The following NRXN3 variants were observed in gnomAD, a reference collection of about 807,000 sequenced individuals.
NRXN3 encodes neurexin 3.
A neutral mutation model predicts 137.6 loss-of-function variants in NRXN3; 32 were observed. The ratio of observed to expected loss-of-function variants is 0.23; its 90% CI spans 0.18 to 0.31. The LOEUF (loss-of-function observed/expected upper bound fraction) is 0.31. Among genes scored for constraint, NRXN3 ranks in the 10% least tolerant of loss-of-function variants. NRXN3 has a pLI of 1.00. For missense variants in NRXN3, 1,574 were observed against 2,062.5 expected (o/e 0.76, Z 4.59); for synonymous variants, 798 against 784.5 (o/e 1.02, Z -0.29).
chr14:79,138,024 A>G (rs1386636443), intron 15 of NRXN3, among the ~76,000 whole-genome samples: 1 of 152,238 alleles, frequency 6.6e-6, no homozygotes, highest in Non-Finnish European at 1.5e-5. Context: ...AGCATTTCTC[A>G]GAAAGAAAAT....
chr14:79,795,800 A>T (rs984769680), intron 19 of NRXN3, among the ~76,000 whole-genome samples: 6 of 151,952 alleles, frequency 3.9e-5, no homozygotes, highest in African/African-American at 1.4e-4. Context: ...ATTGCATTTG[A>T]TTGTTCTGGA....
intron 19 of NRXN3, among the ~76,000 whole-genome samples, chr14:79,703,735 A>ATATC (rs936153002): frequency 6.6e-6 from 1 of 152,006 alleles, no homozygotes; most frequent in African/African-American, 2.4e-5. Context: ...ATATTGCTGT[A>ATATC]TATCTCTGGG....
At chr14:78,968,427 TCCTC>T (rs2099428171) in intron 14 of NRXN3, 81 bp downstream of exon 14, 14 of 1,333,492 alleles carry the variant, frequency 1.0e-5, no homozygotes, top group Non-Finnish European at 1.4e-5. Context: ...ACTGCCTCCT[TCCTC>T]AGTTGACCAG....
chr14:78,597,513 A>C (rs1210866308), intron 4 of NRXN3, among the ~76,000 whole-genome samples: 2 of 152,162 alleles, frequency 1.3e-5, no homozygotes, highest in African/African-American at 4.8e-5. Flanking sequence ...CATGGGGTAC[A>C]GGAAAGAATA....
At chr14:78,899,460 G>T (rs933864009) in intron 10 of NRXN3, among the ~76,000 whole-genome samples, 1 of 151,972 alleles carries the variant, frequency 6.6e-6, no homozygotes, top group Non-Finnish European at 1.5e-5. Context: ...GCACAGAGTA[G>T]ATACCCACTA....
At position 79,805,206 on chromosome 14, in the gene NRXN3, C is replaced by G. The variant is rs375368340; in HGVS notation, c.4093+16C>G. 4 of 1,606,606 alleles carry G rather than the reference C, an allele frequency of 2.5e-6. No homozygotes were observed. Among genetic ancestry groups the G allele is most frequent in the Non-Finnish European group, 3.4e-6 (4 of 1,174,424 alleles). On this transcript the variant is annotated intron_variant, in intron 20 of 20. Transcript: ENST00000335750. ...CCGAGTACAGGTAGGTCAGGTCAGTCTTATTTTGCTTGCTTTCTTTTTTCT... is the reference window on the plus strand; with the variant it reads ...CCGAGTACAGGTAGGTCAGGTCAGTGTTATTTTGCTTGCTTTCTTTTTTCT...
At chr14:78,627,856 A>G (rs2097482146) in intron 4 of NRXN3, among the ~76,000 whole-genome samples, 1 of 152,174 alleles carries the variant, frequency 6.6e-6, no homozygotes, top group African/African-American at 2.4e-5. Context: ...AGTGAGGAGC[A>G]TACCCCTTCT....
chr14:79,222,380 T>C (rs74704040), intron 15 of NRXN3, among the ~76,000 whole-genome samples: 4,172 of 152,236 alleles, frequency 0.027, 137 homozygotes, highest in South Asian at 0.086. Context: ...TGCTGAATAA[T>C]GTTCCCTTGT....
chr14:78,633,757 C>T (rs759763522), intron 4 of NRXN3, among the ~76,000 whole-genome samples: 1 of 152,178 alleles, frequency 6.6e-6, no homozygotes, highest in Non-Finnish European at 1.5e-5. Context: ...GGCTCTTGTC[C>T]TTGGCATTGA....
At chr14:79,596,003 A>G (rs1281216438) in intron 16 of NRXN3, among the ~76,000 whole-genome samples, 2 of 151,330 alleles carry the variant, frequency 1.3e-5, no homozygotes, top group Admixed American at 6.6e-5. Flanking sequence ...CCGTGGGGGA[A>G]CGGGTCTCTT....
chr14:79,223,784 G>A (rs1297449037), intron 15 of NRXN3, among the ~76,000 whole-genome samples: 1 of 152,196 alleles, frequency 6.6e-6, no homozygotes, highest in South Asian at 2.1e-4. Flanking sequence ...ATAAATCAGA[G>A]CACCACTTTA....
At chr14:78,489,142 A>G (rs995776544) in intron 4 of NRXN3, among the ~76,000 whole-genome samples, 3 of 152,142 alleles carry the variant, frequency 2.0e-5, no homozygotes, top group African/African-American at 7.2e-5. Context: ...AATGAGCACA[A>G]ATGTGTGCAC....
intron 4 of NRXN3, among the ~76,000 whole-genome samples, chr14:78,422,589 C>T (rs72681537): frequency 6.6e-6 from 1 of 150,816 alleles, no homozygotes; most frequent in Non-Finnish European, 1.5e-5. Flanking sequence ...TTCAACATAC[C>T]AGAGAGCTAA....
chr14:78,527,819 A>G (rs1170585164), intron 4 of NRXN3, among the ~76,000 whole-genome samples: 2 of 152,250 alleles, frequency 1.3e-5, no homozygotes, highest in African/African-American at 2.4e-5. Context: ...TGACAGGACA[A>G]TATCTCTCTT....
chr14:78,622,237 C>G (rs1039268410), intron 4 of NRXN3, among the ~76,000 whole-genome samples: 4 of 152,150 alleles, frequency 2.6e-5, no homozygotes, highest in African/African-American at 9.7e-5. Context: ...TCAATTCTCA[C>G]CCAAGACAAA....
chr14:78,983,178 A>G (rs954039666), intron 14 of NRXN3, among the ~76,000 whole-genome samples: 1 of 152,212 alleles, frequency 6.6e-6, no homozygotes, highest in African/African-American at 2.4e-5. Flanking sequence ...AAAAGGGAAC[A>G]CTTGTGCATT....
intron 15 of NRXN3, among the ~76,000 whole-genome samples, chr14:79,221,917 G>A (rs963530470): frequency 2.0e-5 from 3 of 152,104 alleles, no homozygotes; most frequent in Admixed American, 2.0e-4. Context: ...TCTATCTTGA[G>A]TTAATTTTTG....
At chr14:78,229,565 A>G (rs1263707930) in intron 1 of NRXN3, among the ~76,000 whole-genome samples, 1 of 152,132 alleles carries the variant, frequency 6.6e-6, no homozygotes. Flanking sequence ...GTGAAGTTCT[A>G]GAACTGGTCT....
intron 15 of NRXN3, among the ~76,000 whole-genome samples, chr14:79,447,442 A>T (rs949734131): frequency 6.6e-6 from 1 of 152,226 alleles, no homozygotes; most frequent in Admixed American, 6.5e-5. Flanking sequence ...CAATTTGCTG[A>T]AAAACAAAAA....
Sources: allele counts gnomAD v4.1 joint callset (sites outside exome capture counted in the v4.1 genomes callset), GRCh38; gene constraint gnomAD v4.1.1; transcripts MANE v1.5; gene names NCBI Gene and HGNC (gene_info 2026-07-23, HGNC 2026-07-21).